The following SIPA1L1 variants were observed in gnomAD, a reference collection of about 807,000 sequenced individuals.
SIPA1L1 encodes the protein signal-induced proliferation-associated 1-like protein 1.
Under a neutral mutation model 162.7 loss-of-function variants are expected in SIPA1L1, and 26 were observed. The ratio of observed to expected loss-of-function variants is 0.16; its 90% CI spans 0.12 to 0.22. The LOEUF (loss-of-function observed/expected upper bound fraction) is 0.22. SIPA1L1 is among the 10% of genes least tolerant of loss of function. SIPA1L1 has a pLI of 1.00. For synonymous variants in SIPA1L1, 829 were observed against 837.4 expected (o/e 0.99, Z 0.17); for missense variants, 1,874 against 2,241.0 (o/e 0.84, Z 3.31).
chr14:71,643,478 AT>A (rs987878759), intron 7 of SIPA1L1, among the ~76,000 whole-genome samples: 2 of 152,196 alleles, frequency 1.3e-5, no homozygotes, highest in Non-Finnish European at 2.9e-5. Flanking sequence ...TTAAAATGTT[AT>A]TTTTAAATAA....
chr14:71,327,677 C>G (rs1167103401), intron 2 of SIPA1L1, among the ~76,000 whole-genome samples: 1 of 152,122 alleles, frequency 6.6e-6, no homozygotes. Context: ...TGGCTCTGAA[C>G]CATACTGCTT....
chr14:71,642,870 T>C (rs1483039746), intron 7 of SIPA1L1, among the ~76,000 whole-genome samples: 8 of 151,708 alleles, frequency 5.3e-5, no homozygotes, highest in Admixed American at 2.0e-4. Context: ...CTACAATATC[T>C]GAGTTGAAAA....
chr14:71,735,652 C>A (rs940143395), intron 22 of SIPA1L1: 1 of 353,252 alleles, frequency 2.8e-6, no homozygotes, highest in East Asian at 5.5e-5. Flanking sequence ...CCCTCAGGGC[C>A]AGTTGGGGCA....
intron 14 of SIPA1L1, among the ~76,000 whole-genome samples, chr14:71,702,058 T>C (rs2082132421): frequency 6.6e-6 from 1 of 152,254 alleles, no homozygotes. Flanking sequence ...AAGTCTGAAC[T>C]TGGCTGTACG....
intron 5 of SIPA1L1, among the ~76,000 whole-genome samples, chr14:71,604,896 G>T (rs1361966635): frequency 6.6e-6 from 1 of 151,948 alleles, no homozygotes. Flanking sequence ...TTGGGGATCT[G>T]TAAGCTTCCT....
chr14:71,591,874 GCTTT>G (rs755691388), intron 5 of SIPA1L1, among the ~76,000 whole-genome samples: 29 of 152,022 alleles, frequency 1.9e-4, no homozygotes, highest in Non-Finnish European at 3.8e-4. Flanking sequence ...TAATCCAACA[GCTTT>G]CTTTTTAATG....
intron 6 of SIPA1L1, among the ~76,000 whole-genome samples, chr14:71,622,656 T>G (rs1210971745): frequency 6.6e-6 from 1 of 152,208 alleles, no homozygotes; most frequent in Non-Finnish European, 1.5e-5. Flanking sequence ...GAAAATGATT[T>G]TTACTTGTTA....
chr14:71,600,550 T>C, intron 5 of SIPA1L1, among the ~76,000 whole-genome samples: 1 of 152,200 alleles, frequency 6.6e-6, no homozygotes, highest in Non-Finnish European at 1.5e-5. Context: ...CTTCATTCTT[T>C]TTGCTCTGGA....
chr14:71,660,109 A>G (rs1456573101), intron 9 of SIPA1L1, among the ~76,000 whole-genome samples: 3 of 152,180 alleles, frequency 2.0e-5, no homozygotes, highest in Non-Finnish European at 1.5e-5. Context: ...TTGAAGAATG[A>G]ATAATATTAC....
chr14:71,457,341 C>A (rs2141756029), intron 2 of SIPA1L1, among the ~76,000 whole-genome samples: 1 of 151,704 alleles, frequency 6.6e-6, no homozygotes, highest in Admixed American at 6.6e-5. Context: ...GCTCTTTTGC[C>A]CAGGCTGGAG....
chr14:71,595,182 A>T (rs755602916), intron 5 of SIPA1L1, among the ~76,000 whole-genome samples: 1 of 152,216 alleles, frequency 6.6e-6, no homozygotes, highest in African/African-American at 2.4e-5. Context: ...AGACCACACT[A>T]GTTCAACACT....
chr14:71,612,872 A>G (rs1399963891), intron 5 of SIPA1L1, among the ~76,000 whole-genome samples: 1 of 152,226 alleles, frequency 6.6e-6, no homozygotes, highest in Non-Finnish European at 1.5e-5. Context: ...GAAAGTATCA[A>G]CCAAAAATAA....
rs573139905 is a variant in SIPA1L1, at chr14:71,570,261, CTTTA to C, written c.-302-17286_-302-17283del. ...TTTTTCTTTTTTAAAATCCATTTAT[CTTTA>C]TTTATTTATTTATTTATTTATTTTT... On this transcript the variant is annotated intron_variant, in intron 4 of 23. Transcript: ENST00000381232. Among the ~76,000 whole-genome samples, 163 of 151,592 alleles carry C rather than the reference CTTTA, an allele frequency of 1.1e-3. 1 individual carries two copies. The Middle Eastern group carries it at 0.027, about 25-fold the overall frequency.
At chr14:71,431,736 A>C (rs2044007096) in intron 2 of SIPA1L1, among the ~76,000 whole-genome samples, 1 of 152,234 alleles carries the variant, frequency 6.6e-6, no homozygotes, top group Non-Finnish European at 1.5e-5. Context: ...ATGAAAGCCA[A>C]GTTGGACTTC....
chr14:71,607,949 G>T (rs979245415), intron 5 of SIPA1L1, among the ~76,000 whole-genome samples: 1 of 152,092 alleles, frequency 6.6e-6, no homozygotes, highest in African/African-American at 2.4e-5. Flanking sequence ...AATCAAACTT[G>T]CCACCTATTT....
At chr14:71,476,709 G>A (rs1233987377) in intron 2 of SIPA1L1, among the ~76,000 whole-genome samples, 1 of 150,560 alleles carries the variant, frequency 6.6e-6, no homozygotes, top group African/African-American at 2.5e-5. Context: ...ATGGAGTCTA[G>A]ATCTGTTGCC....
intron 2 of SIPA1L1, among the ~76,000 whole-genome samples, chr14:71,322,899 A>G (rs756472119): frequency 9.8e-5 from 15 of 152,340 alleles, no homozygotes; most frequent in South Asian, 2.1e-4. Flanking sequence ...TGAAATTGCA[A>G]TTCTGGTACA....
chr14:71,656,970 A>C (rs908931882), intron 8 of SIPA1L1, among the ~76,000 whole-genome samples: 3 of 152,206 alleles, frequency 2.0e-5, no homozygotes, highest in African/African-American at 4.8e-5. Flanking sequence ...AAGTTTTCAG[A>C]ACTACTGTTG....
chr14:71,700,154 CTTA>C (rs2081974842), intron 14 of SIPA1L1, among the ~76,000 whole-genome samples: 1 of 152,082 alleles, frequency 6.6e-6, no homozygotes, highest in African/African-American at 2.4e-5. Flanking sequence ...ATAGTTTTAC[CTTA>C]TTGTTTATTT....
Sources: allele counts gnomAD v4.1 joint callset (sites outside exome capture counted in the v4.1 genomes callset), GRCh38; gene constraint gnomAD v4.1.1; transcripts MANE v1.5; gene names NCBI Gene and HGNC (gene_info 2026-07-23, HGNC 2026-07-21).